The following ARHGAP19 variants were observed in gnomAD, a reference collection of about 807,000 sequenced individuals.
ARHGAP19 encodes the protein Rho GTPase activating protein 19, also known as rho GTPase-activating protein 19.
Under a neutral mutation model 60.9 loss-of-function variants are expected in ARHGAP19, and 48 were observed. The observed-to-expected ratio is 0.79, with a 90% CI of 0.62 to 1.00. The LOEUF is 1.00. Among genes scored for constraint, ARHGAP19 ranks in the 50% least tolerant of loss-of-function variants. ARHGAP19 has a pLI of 0.00. For missense variants in ARHGAP19, 562 were observed against 597.2 expected (o/e 0.94, Z 0.61); for synonymous variants, 209 against 215.5 (o/e 0.97, Z 0.27).
chr10:97,256,704 A>T (rs771022436), intron 5 of ARHGAP19, among the ~76,000 whole-genome samples: 3 of 152,246 alleles, frequency 2.0e-5, no homozygotes, highest in Non-Finnish European at 4.4e-5. Context: ...CAAAATGGGC[A>T]GAAAAAAACA....
At chr10:97,247,496 T>C (rs1189487712) in intron 6 of ARHGAP19, among the ~76,000 whole-genome samples, 1 of 152,194 alleles carries the variant, frequency 6.6e-6, no homozygotes, top group Non-Finnish European at 1.5e-5. Context: ...ACTGGTAACA[T>C]ATCCTGAGTA....
In ARHGAP19 at chr10:97,259,470, C is replaced by T; in HGVS notation, c.772G>A (p.Asp258Asn). 1 of 1,614,176 alleles carries T rather than the reference C, an allele frequency of 6.2e-7. No homozygotes were observed. Among genetic ancestry groups the T allele is most frequent in the Non-Finnish European group, 8.5e-7 (1 of 1,180,032 alleles). The stretch of plus-strand genomic sequence containing the variant: ...TTATAGGCTGACATCTTGTTCTTGT[C>T]TTGTTTCTTTGCTGTCTGGTATAGG... The part of the protein sequence containing the change: ...DLLYQTAKKQ[D>N]KNKMSAYNLA... Residue 258 changes from aspartate to asparagine, a missense_variant, in exon 5 of 12, where the codon GAC (aspartate) becomes AAC (asparagine). Physicochemically the swap from Asp to Asn is conservative, Grantham distance 23 (BLOSUM62 1). Coordinates refer to ENST00000358531, the MANE Select transcript of ARHGAP19 (RefSeq NM_032900.6).
At chr10:97,264,181 A>T (rs1251071171) in intron 3 of ARHGAP19, among the ~76,000 whole-genome samples, 1 of 152,164 alleles carries the variant, frequency 6.6e-6, no homozygotes, top group Non-Finnish European at 1.5e-5. Flanking sequence ...GCCAGGCTCA[A>T]TGGCTCACGC....
At chr10:97,240,637 C>A (rs986329518) in intron 8 of ARHGAP19, among the ~76,000 whole-genome samples, 2 of 152,088 alleles carry the variant, frequency 1.3e-5, no homozygotes, top group Non-Finnish European at 2.9e-5. Flanking sequence ...GGCGACAGAG[C>A]AGAACTCTGT....
intron 7 of ARHGAP19, among the ~76,000 whole-genome samples, chr10:97,244,589 G>A (rs1842536447): frequency 6.6e-6 from 1 of 152,156 alleles, no homozygotes; most frequent in Non-Finnish European, 1.5e-5. Context: ...GAGCCCAAGG[G>A]CTCTGACTCT....
At chr10:97,266,314 T>C (rs1842898650) in intron 1 of ARHGAP19, among the ~76,000 whole-genome samples, 189 bp from the exon 2 acceptor site, 1 of 152,174 alleles carries the variant, frequency 6.6e-6, no homozygotes, top group African/African-American at 2.4e-5. Context: ...AGGGAAGGCA[T>C]TTACAGGTAC....
chr10:97,256,591 C>T, intron 5 of ARHGAP19, 187 bp from the exon 6 acceptor site: 1 of 455,204 alleles, frequency 2.2e-6, no homozygotes, highest in Non-Finnish European at 3.9e-6. Flanking sequence ...ACAATGTGTC[C>T]CTGAAGTGAC....
chr10:97,242,009 C>CAAA (rs1199588724), intron 8 of ARHGAP19, among the ~76,000 whole-genome samples: 4 of 120,308 alleles, frequency 3.3e-5, no homozygotes, highest in East Asian at 2.3e-4. Flanking sequence ...GACTCTGCCT[C>CAAA]AAAAAAAAAA....
intron 1 of ARHGAP19, among the ~76,000 whole-genome samples, chr10:97,271,953 T>C (rs981592748): frequency 6.6e-6 from 1 of 151,974 alleles, no homozygotes; most frequent in African/African-American, 2.4e-5. Flanking sequence ...ATTTCTCAAA[T>C]AACTCAACTT....
At chr10:97,242,272 T>C (rs1466982356) in intron 8 of ARHGAP19, among the ~76,000 whole-genome samples, 2 of 150,142 alleles carry the variant, frequency 1.3e-5, no homozygotes, top group East Asian at 3.9e-4. Flanking sequence ...TTTTCTGTTT[T>C]TCTAAAAAGT....
At chr10:97,292,441 G>C (rs1843249888) in intron 1 of ARHGAP19, 131 bp downstream of exon 1, 1 of 1,208,030 alleles carries the variant, frequency 8.3e-7, no homozygotes, top group African/African-American at 1.5e-5. Context: ...CCCCGCAGGC[G>C]CGACGATGAG....
Position 97,232,927 on chromosome 10 carries a change from T to A in ARHGAP19, c.1284+2290A>T, listed in dbSNP as rs113500415. ...CTTTGGGAGGCCGAAGCGGGCAGAT[T>A]ACTTGAGGCCAGGAGTTCAAGACCA... On this transcript the variant is annotated intron_variant, in intron 9 of 11. Coordinates refer to ENST00000358531, the MANE Select transcript of ARHGAP19 (RefSeq NM_032900.6). 2.8e-3 allele frequency among the ~76,000 whole-genome samples: 419 copies of A among 151,894 alleles called. 2 individuals carry two copies. The highest frequency in any genetic ancestry group is 8.9e-3 in the African/African-American group (368 of 41,420).
chr10:97,249,797 C>CTT lies in ARHGAP19; in HGVS notation c.928-3462_928-3461dup, dbSNP rs34158492. The stretch of plus-strand genomic sequence containing the variant: ...TAGATGTGATAATAGTAGTGTGATT[C>CTT]TTTTTTTTTTTTTTTTTTTGAGACG... On this transcript the variant is annotated intron_variant, in intron 6 of 11. Transcript: ENST00000358531. Among the ~76,000 whole-genome samples, 62 of 109,014 alleles carry CTT rather than the reference C, an allele frequency of 5.7e-4. 1 individual carries two copies. The highest frequency in any genetic ancestry group is 5.0e-4 in the Non-Finnish European group (27 of 54,124). 71.5% of individuals were successfully genotyped at this position (109,014 alleles called of 152,430 possible). A position where few individuals can be genotyped will look rare whatever the true frequency, so the allele number is the denominator to read the frequency against.
At chr10:97,249,339 A>C (rs1160134288) in intron 6 of ARHGAP19, among the ~76,000 whole-genome samples, 1 of 152,204 alleles carries the variant, frequency 6.6e-6, no homozygotes, top group Non-Finnish European at 1.5e-5. Context: ...CAGTTAGCAA[A>C]ATTAACATCA....
chr10:97,255,317 G>C (rs530330470), intron 6 of ARHGAP19, among the ~76,000 whole-genome samples: 1 of 152,158 alleles, frequency 6.6e-6, no homozygotes. Flanking sequence ...ATTGGCACAC[G>C]CCTGTAATCC....
chr10:97,254,472 T>C (rs549089870), intron 6 of ARHGAP19, among the ~76,000 whole-genome samples: 4 of 152,256 alleles, frequency 2.6e-5, no homozygotes, highest in African/African-American at 9.6e-5. Context: ...GGGAAAACCA[T>C]GAAACCACAT....
At chr10:97,237,468 T>C (rs1842400648) in intron 8 of ARHGAP19, among the ~76,000 whole-genome samples, 1 of 152,076 alleles carries the variant, frequency 6.6e-6, no homozygotes, top group African/African-American at 2.4e-5. Flanking sequence ...CACAGCGCAA[T>C]GTGTTACTCA....
intron 11 of ARHGAP19, 162 bp downstream of exon 11, chr10:97,228,985 T>A: frequency 1.4e-6 from 1 of 730,402 alleles, no homozygotes; most frequent in Admixed American, 2.0e-5. Flanking sequence ...AATGGTTCAA[T>A]AACCATCTGG....
intron 1 of ARHGAP19, among the ~76,000 whole-genome samples, chr10:97,289,854 A>T (rs1168105363): frequency 2.6e-5 from 3 of 115,410 alleles, no homozygotes; most frequent in African/African-American, 4.0e-5. Flanking sequence ...CCCTGTGTTA[A>T]AAAAAAAAAA....
Sources: allele counts gnomAD v4.1 joint callset (sites outside exome capture counted in the v4.1 genomes callset), GRCh38; gene constraint gnomAD v4.1.1; transcripts MANE v1.5; gene names NCBI Gene and HGNC (gene_info 2026-07-23, HGNC 2026-07-21).